Variants in ZDHHC21 observed in about 807,000 individuals in gnomAD.
ZDHHC21 encodes the protein zDHHC palmitoyltransferase 21.
ZDHHC21 carries 15 observed loss-of-function variants against 34.6 expected under a neutral mutation model. The observed-to-expected ratio is 0.43, with a 90% CI of 0.29 to 0.67. The LOEUF (loss-of-function observed/expected upper bound fraction) is 0.67. Among genes scored for constraint, ZDHHC21 ranks in the 30% least tolerant of loss-of-function variants. The pLI is 0.14. For synonymous variants in ZDHHC21, 142 were observed against 101.8 expected (o/e 1.40, Z -2.38); for missense variants, 344 against 327.7 (o/e 1.05, Z -0.38).
chr9:14,662,363 A>G, intron 5 of ZDHHC21, 37 bp from the exon 6 acceptor site: 2 of 1,496,168 alleles, frequency 1.3e-6, no homozygotes, highest in Non-Finnish European at 1.8e-6. Context: ...TAATGAAGGC[A>G]AGTGGGTAAT....
intron 7 of ZDHHC21, among the ~76,000 whole-genome samples, chr9:14,656,884 T>C (rs927474417): frequency 1.3e-5 from 2 of 152,036 alleles, no homozygotes; most frequent in African/African-American, 4.8e-5. Context: ...TAAAACCCAC[T>C]TTTTATACTC....
intron 7 of ZDHHC21, among the ~76,000 whole-genome samples, chr9:14,655,022 C>G (rs561326665): frequency 6.6e-6 from 1 of 152,016 alleles, no homozygotes; most frequent in East Asian, 1.9e-4. Context: ...AACTCTCCAA[C>G]AGAAAAAAGT....
intron 5 of ZDHHC21, among the ~76,000 whole-genome samples, chr9:14,664,843 T>A (rs1221818812): frequency 6.6e-6 from 1 of 150,942 alleles, no homozygotes; most frequent in African/African-American, 2.4e-5. Flanking sequence ...CGAAAACCCA[T>A]CTGTACATCA....
At chr9:14,599,522 G>A in the ZDHHC21 span, among the ~76,000 whole-genome samples, 2 of 151,784 alleles carry the variant, frequency 1.3e-5, no homozygotes, top group Non-Finnish European at 2.9e-5. Flanking sequence ...ATGGATGGCT[G>A]TTTGGGCAGA....
chr9:14,631,492 C>T (rs189220841), intron 8 of ZDHHC21, among the ~76,000 whole-genome samples: 3 of 152,284 alleles, frequency 2.0e-5, no homozygotes, highest in Admixed American at 6.5e-5. Flanking sequence ...ATCATTTGTA[C>T]GTTCTGTGAA....
At chr9:14,656,022 A>G (rs1026627721) in intron 7 of ZDHHC21, among the ~76,000 whole-genome samples, 1 of 151,852 alleles carries the variant, frequency 6.6e-6, no homozygotes, top group Non-Finnish European at 1.5e-5. Flanking sequence ...TTTGAAGGCA[A>G]GAATCATTAC....
intron 4 of ZDHHC21, 61 bp from the exon 5 acceptor site, chr9:14,672,989 T>A (rs1835754394): frequency 9.1e-7 from 1 of 1,094,804 alleles, no homozygotes; most frequent in African/African-American, 1.6e-5. Context: ...TTATCAACAA[T>A]CATATTTAAA....
At chr9:14,609,266 G>A (rs1357374181), downstream of ZDHHC21, among the ~76,000 whole-genome samples, 2 of 152,088 alleles carry the variant, frequency 1.3e-5, no homozygotes, top group Non-Finnish European at 2.9e-5. Flanking sequence ...CACTTCAGGT[G>A]AATTCCAGAA....
intron 5 of ZDHHC21, among the ~76,000 whole-genome samples, chr9:14,662,861 G>C: frequency 6.6e-6 from 1 of 152,146 alleles, no homozygotes; most frequent in Non-Finnish European, 1.5e-5. Flanking sequence ...AACATCAGTA[G>C]ATTCATTTAA....
At chr9:14,625,625 G>T (rs1254886643) in intron 8 of ZDHHC21, among the ~76,000 whole-genome samples, 1 of 151,908 alleles carries the variant, frequency 6.6e-6, no homozygotes, top group Non-Finnish European at 1.5e-5. Flanking sequence ...GCAGTCTTAA[G>T]ATTTTAGTGA....
At chr9:14,693,172 G>A (rs1443781369) in intron 1 of ZDHHC21, 57 bp downstream of exon 1, 2 of 279,246 alleles carry the variant, frequency 7.2e-6, no homozygotes, top group East Asian at 1.8e-4. Context: ...GGGGGTGGGG[G>A]TGCGGATGGG....
At chr9:14,666,059 G>A (rs1430639458) in intron 5 of ZDHHC21, among the ~76,000 whole-genome samples, 1 of 150,046 alleles carries the variant, frequency 6.7e-6, no homozygotes, top group Non-Finnish European at 1.5e-5. Flanking sequence ...CTGGCAAATT[G>A]GATAAAGAGT....
At chr9:14,680,446 T>TTG (rs1837172175) in intron 2 of ZDHHC21, among the ~76,000 whole-genome samples, 1 of 152,150 alleles carries the variant, frequency 6.6e-6, no homozygotes, top group African/African-American at 2.4e-5. Context: ...TGTCCAGTAT[T>TTG]TGGACTTCAT....
intron 8 of ZDHHC21, among the ~76,000 whole-genome samples, chr9:14,628,225 TTAAAG>T (rs1826658152): frequency 6.6e-6 from 1 of 152,176 alleles, no homozygotes; most frequent in Non-Finnish European, 1.5e-5. Flanking sequence ...TATTTTTAAG[TTAAAG>T]TAATTTCTAA....
intron 8 of ZDHHC21, among the ~76,000 whole-genome samples, chr9:14,637,240 AC>A (rs1828469923): frequency 6.6e-6 from 1 of 152,054 alleles, no homozygotes; most frequent in African/African-American, 2.4e-5. Flanking sequence ...CCATTGAAAT[AC>A]AAAGATTATC....
intron 8 of ZDHHC21, among the ~76,000 whole-genome samples, chr9:14,632,409 A>G (rs1209490704): frequency 1.3e-5 from 2 of 152,114 alleles, no homozygotes; most frequent in Non-Finnish European, 2.9e-5. Flanking sequence ...AAAAGAATAA[A>G]GATGGACCCC....
intron 8 of ZDHHC21, among the ~76,000 whole-genome samples, chr9:14,624,720 G>C (rs1044251159): frequency 5.9e-5 from 9 of 152,062 alleles, no homozygotes; most frequent in Non-Finnish European, 2.9e-5. Context: ...GTAATAAATT[G>C]TGGTGTTCTA....
intron 3 of ZDHHC21, among the ~76,000 whole-genome samples, 189 bp from the exon 4 acceptor site, chr9:14,674,574 CAG>C (rs1240979553): frequency 4.0e-5 from 6 of 151,840 alleles, no homozygotes; most frequent in Non-Finnish European, 5.9e-5. Flanking sequence ...GGAAAACAAA[CAG>C]AAGTTTCAGG....
At chr9:14,666,474 G>A (rs1834463820) in intron 5 of ZDHHC21, among the ~76,000 whole-genome samples, 1 of 98,630 alleles carries the variant, frequency 1.0e-5, no homozygotes, top group Non-Finnish European at 2.3e-5. Flanking sequence ...CCCAGGAATT[G>A]AACTCAGCTC....
Sources: allele counts gnomAD v4.1 joint callset (sites outside exome capture counted in the v4.1 genomes callset), GRCh38; gene constraint gnomAD v4.1.1; transcripts MANE v1.5; gene names NCBI Gene and HGNC (gene_info 2026-07-23, HGNC 2026-07-21).